The following DAB1 variants were observed in gnomAD, a reference collection of about 807,000 sequenced individuals.
DAB1 encodes the protein DAB adaptor protein 1, also known as disabled homolog 1.
In DAB1, 15 loss-of-function variants were observed where a neutral mutation model predicts 64.6. The observed-to-expected ratio is 0.23, with a 90% confidence interval of 0.16 to 0.36. The LOEUF (loss-of-function observed/expected upper bound fraction) is 0.36. DAB1 is among the 10% of genes least tolerant of loss of function. The probability of loss-of-function intolerance (pLI) is 1.00; values close to 1 mark genes in which losing one functional copy is unlikely to be tolerated. For synonymous variants in DAB1, 235 were observed against 251.9 expected, an observed-to-expected ratio of 0.93 and a Z score of 0.64; for missense variants, 596 against 706.7, an observed-to-expected ratio of 0.84 and a Z score of 1.78.
intron 2 of DAB1, among the ~76,000 whole-genome samples, chr1:57,214,578 G>T (rs924267586): frequency 5.3e-5 from 8 of 152,040 alleles, no homozygotes; most frequent in African/African-American, 1.9e-4. Flanking sequence ...GCCCTACCTA[G>T]CCTAAGAGGA....
intron 2 of DAB1, among the ~76,000 whole-genome samples, chr1:58,523,622 G>A (rs534260614): frequency 3.5e-4 from 54 of 152,262 alleles, no homozygotes; most frequent in Middle Eastern, 6.8e-3. Flanking sequence ...AGTCCTGGCC[G>A]GGCGCAGTGG....
intron 3 of DAB1, among the ~76,000 whole-genome samples, chr1:58,500,749 C>A (rs1645893319): frequency 6.6e-6 from 1 of 152,130 alleles, no homozygotes. Flanking sequence ...TCTCCATACC[C>A]TTCACCCAAC....
At chr1:58,481,084 CA>C (rs763235287) in intron 3 of DAB1, 2 of 871,856 alleles carry the variant, frequency 2.3e-6, no homozygotes, top group Non-Finnish European at 2.0e-6. Context: ...TCTGATTCTT[CA>C]AGAAAATGCT....
intron 1 of DAB1, among the ~76,000 whole-genome samples, chr1:57,406,543 C>A (rs1190467938): frequency 2.0e-5 from 3 of 152,148 alleles, no homozygotes; most frequent in Admixed American, 6.5e-5. Context: ...GAGCACAAGG[C>A]CCTTTCACAT....
intron 3 of DAB1, among the ~76,000 whole-genome samples, chr1:58,492,140 T>C (rs536966220): frequency 1.3e-5 from 2 of 152,226 alleles, no homozygotes; most frequent in African/African-American, 2.4e-5. Context: ...ACATGGCAAC[T>C]GAACAACATG....
At chr1:57,738,272 A>C (rs1224293024) in intron 6 of DAB1, among the ~76,000 whole-genome samples, 2 of 152,228 alleles carry the variant, frequency 1.3e-5, no homozygotes, top group East Asian at 3.8e-4. Flanking sequence ...AGCTAGTAAT[A>C]ATTGAAAACT....
At chr1:58,203,773 C>T (rs1186474976) in intron 4 of DAB1, among the ~76,000 whole-genome samples, 1 of 152,114 alleles carries the variant, frequency 6.6e-6, no homozygotes, top group East Asian at 1.9e-4. Context: ...TGCATGTCTC[C>T]CTCAGTCTAA....
intron 7 of DAB1, among the ~76,000 whole-genome samples, chr1:57,618,043 T>G (rs147683945): frequency 6.6e-6 from 1 of 152,292 alleles, no homozygotes; most frequent in Non-Finnish European, 1.5e-5. Context: ...AGGGAAGAGA[T>G]CTTCTTCCTC....
chr1:57,792,416 A>C (rs1037624662), intron 6 of DAB1, among the ~76,000 whole-genome samples: 1 of 152,164 alleles, frequency 6.6e-6, no homozygotes, highest in African/African-American at 2.4e-5. Context: ...CTTTTCTATG[A>C]TCTCTTCACA....
intron 7 of DAB1, among the ~76,000 whole-genome samples, chr1:57,581,771 T>C (rs572137129): frequency 2.7e-5 from 4 of 150,890 alleles, no homozygotes; most frequent in Non-Finnish European, 5.9e-5. Context: ...TATTTTCAGG[T>C]TATTTTATTT....
chr1:58,277,913 C>T (rs1216147727), intron 4 of DAB1, among the ~76,000 whole-genome samples: 2 of 152,210 alleles, frequency 1.3e-5, no homozygotes, highest in Non-Finnish European at 2.9e-5. Context: ...ATTCTTCCAT[C>T]CACACCTGGA....
At chr1:58,008,344 G>A (rs890882120) in intron 5 of DAB1, among the ~76,000 whole-genome samples, 1 of 152,110 alleles carries the variant, frequency 6.6e-6, no homozygotes, top group African/African-American at 2.4e-5. Flanking sequence ...AGGTAAAAAT[G>A]GGCCAAAACA....
At chr1:57,422,840 C>A (rs1198462237) in intron 1 of DAB1, among the ~76,000 whole-genome samples, 1 of 152,124 alleles carries the variant, frequency 6.6e-6, no homozygotes, top group Non-Finnish European at 1.5e-5. Context: ...CCCATCAGGC[C>A]CACCAGCACC....
At chr1:57,805,899 C>G (rs1394021032) in intron 6 of DAB1, among the ~76,000 whole-genome samples, 2 of 152,162 alleles carry the variant, frequency 1.3e-5, no homozygotes. Flanking sequence ...GTTCAACCAT[C>G]ATTATTTCTC....
chr1:57,575,882 C>T (rs1476523555), intron 7 of DAB1, among the ~76,000 whole-genome samples: 1 of 152,090 alleles, frequency 6.6e-6, no homozygotes, highest in Admixed American at 6.6e-5. Context: ...AATTAATAAG[C>T]AAGGAGGAAT....
intron 3 of DAB1, among the ~76,000 whole-genome samples, chr1:58,351,851 C>T (rs1402031706): frequency 2.1e-5 from 3 of 144,694 alleles, no homozygotes. Flanking sequence ...CTTAAGAAGC[C>T]TGTTGAGCCA....
chr1:57,970,549 G>T (rs1217995657), intron 5 of DAB1, among the ~76,000 whole-genome samples: 1 of 151,952 alleles, frequency 6.6e-6, no homozygotes. Context: ...CATTGATGGG[G>T]ACCCGCCACT....
intron 7 of DAB1, among the ~76,000 whole-genome samples, chr1:57,638,981 G>T (rs1479890467): frequency 7.1e-6 from 1 of 139,906 alleles, no homozygotes; most frequent in Non-Finnish European, 1.5e-5. Context: ...TCTTCATAAA[G>T]AACTTTAGTA....
intron 5 of DAB1, among the ~76,000 whole-genome samples, chr1:58,122,973 G>A (rs1264395276): frequency 6.6e-6 from 1 of 152,156 alleles, no homozygotes; most frequent in Admixed American, 6.5e-5. Context: ...AGAACAGTAA[G>A]TGGCAGAAGT....
Sources: gnomAD v4.1 joint callset for allele counts (sites outside exome capture counted in the v4.1 genomes callset) on GRCh38, gnomAD v4.1.1 for gene constraint, MANE v1.5 for transcripts, NCBI Gene and HGNC (gene_info 2026-07-23, HGNC 2026-07-21) for gene names.